The following COL21A1 variants were observed in gnomAD, a reference collection of about 807,000 sequenced individuals.
COL21A1 encodes the protein collagen alpha-1(XXI) chain.
COL21A1 carries 149 observed loss-of-function variants against 137.9 expected under a neutral mutation model. The observed-to-expected ratio is 1.08, with a 90% CI of 0.95 to 1.24. COL21A1 has a LOEUF of 1.24. Ranked by LOEUF, COL21A1 falls within the 50% of genes most tolerant of loss-of-function variation. The pLI, the probability that COL21A1 is intolerant of heterozygous loss-of-function variation, is 0.00. For synonymous variants in COL21A1, 456 were observed against 391.5 expected (o/e 1.16, Z -1.95); for missense variants, 1,167 against 1,158.4 (o/e 1.01, Z -0.11).
rs1031010511 is a variant in COL21A1, at chr6:56,322,374, A to C, written c.-39+71597T>G. Among the ~76,000 whole-genome samples the C allele has an allele frequency of 2.6e-5, 4 of 152,186 alleles. No homozygotes were observed. The South Asian group carries it at 6.2e-4, about 24-fold the overall frequency. ...TATTCACCTGACCTCTCATCAACCAACTACCACTTCTTCAAGCGTCTCAAC... is the reference window on the plus strand; with the variant it reads ...TATTCACCTGACCTCTCATCAACCACCTACCACTTCTTCAAGCGTCTCAAC... On this transcript the variant is annotated intron_variant, in intron 1 of 28. Transcript: ENST00000370819.
intron 16 of COL21A1, among the ~76,000 whole-genome samples, chr6:56,114,124 G>C (rs1771688407): frequency 6.6e-6 from 1 of 152,196 alleles, no homozygotes; most frequent in African/African-American, 2.4e-5. Context: ...ACCCATTTGG[G>C]GGTTGGTGGA....
intron 10 of COL21A1, among the ~76,000 whole-genome samples, chr6:56,143,199 C>CTTTTTT (rs1201380404): frequency 3.2e-5 from 4 of 124,530 alleles, no homozygotes; most frequent in Non-Finnish European, 3.4e-5. Context: ...TACAATTTTT[C>CTTTTTT]TTTTTTTTTT....
intron 1 of COL21A1, among the ~76,000 whole-genome samples, chr6:56,352,494 A>T (rs1765731599): frequency 6.6e-6 from 1 of 152,158 alleles, no homozygotes. Flanking sequence ...CACGCAGCAA[A>T]ACACCAGAGC....
At chr6:56,105,380 A>G (rs1770800587) in intron 16 of COL21A1, among the ~76,000 whole-genome samples, 2 of 152,220 alleles carry the variant, frequency 1.3e-5, no homozygotes, top group South Asian at 4.1e-4. Context: ...AGGTTTTAAC[A>G]ATCCTTTATT....
chr6:56,056,598 G>A lies in COL21A1; in HGVS notation c.*1059C>T, dbSNP rs1477597769. 6.6e-6 allele frequency: 1 copy of A among 152,150 alleles called. No individual in the cohort carries two copies. Among genetic ancestry groups the A allele is most frequent in the Non-Finnish European group, 1.5e-5 (1 of 68,016 alleles). 9.4% of individuals were successfully genotyped at this position (152,150 alleles called of 1,614,324 possible). A position where few individuals can be genotyped will look rare whatever the true frequency, so the allele number is the denominator to read the frequency against. On this transcript the variant is annotated 3_prime_UTR_variant, in exon 30 of 30. Transcript: ENST00000244728. ...AAAAAAAGACATTGTAATCAGGCCT[G>A]TACAAAACTTTATTATACTCTGAAT...
At chr6:56,289,720 A>G (rs1267143191) in intron 1 of COL21A1, among the ~76,000 whole-genome samples, 2 of 152,200 alleles carry the variant, frequency 1.3e-5, no homozygotes, top group Non-Finnish European at 2.9e-5. Flanking sequence ...ATTACCTGAT[A>G]GGAACATCTT....
chr6:56,139,500 TAC>T (rs35595286), intron 12 of COL21A1, among the ~76,000 whole-genome samples: 86,966 of 151,198 alleles, frequency 0.58, 25,364 homozygotes, highest in East Asian at 0.79. Context: ...CTTGTGCACA[TAC>T]ACACACACAC....
intron 1 of COL21A1, among the ~76,000 whole-genome samples, chr6:56,281,437 G>A (rs1343014903): frequency 6.6e-6 from 1 of 151,918 alleles, no homozygotes; most frequent in Non-Finnish European, 1.5e-5. Context: ...GGTAACAGTG[G>A]GCATCACCCC....
intron 1 of COL21A1, among the ~76,000 whole-genome samples, chr6:56,351,225 T>C (rs1194480552): frequency 6.6e-6 from 1 of 152,270 alleles, no homozygotes; most frequent in Non-Finnish European, 1.5e-5. Flanking sequence ...TTGGTTGTAT[T>C]CTTTGAAGGC....
intron 12 of COL21A1, among the ~76,000 whole-genome samples, chr6:56,137,183 T>C (rs1774066006): frequency 6.6e-6 from 1 of 152,154 alleles, no homozygotes; most frequent in Admixed American, 6.6e-5. Flanking sequence ...TACTTCACAA[T>C]TAATCTAAAA....
chr6:56,068,179 C>A (rs138963758), intron 22 of COL21A1, among the ~76,000 whole-genome samples: 3 of 151,428 alleles, frequency 2.0e-5, no homozygotes, highest in African/African-American at 7.3e-5. Context: ...TACTGATCAT[C>A]AGAACAAAAA....
chr6:56,232,611 C>T (rs1363582725), intron 1 of COL21A1, among the ~76,000 whole-genome samples: 1 of 151,946 alleles, frequency 6.6e-6, no homozygotes, highest in Admixed American at 6.6e-5. Context: ...AACAGCTGCA[C>T]TGGACTTCGT....
At chr6:56,232,372 G>C (rs1287458195) in intron 1 of COL21A1, among the ~76,000 whole-genome samples, 1 of 151,888 alleles carries the variant, frequency 6.6e-6, no homozygotes, top group Non-Finnish European at 1.5e-5. Context: ...GTGTGACAAA[G>C]TGAATTACAA....
chr6:56,068,917 C>A, intron 22 of COL21A1, 129 bp downstream of exon 22: 1 of 658,134 alleles, frequency 1.5e-6, no homozygotes. Flanking sequence ...ATACATACAT[C>A]GAATATATAG....
intron 1 of COL21A1, among the ~76,000 whole-genome samples, chr6:56,244,407 C>A (rs1411943862): frequency 6.6e-6 from 1 of 152,150 alleles, no homozygotes; most frequent in Non-Finnish European, 1.5e-5. Context: ...TCCTATATGT[C>A]TCCATTTTTC....
intron 1 of COL21A1, among the ~76,000 whole-genome samples, chr6:56,390,970 A>T (rs899707347): frequency 1.3e-5 from 2 of 152,168 alleles, no homozygotes; most frequent in Admixed American, 1.3e-4. Flanking sequence ...GACCAAATGG[A>T]TCTAATAGAC....
Position 56,077,525 on chromosome 6 carries a change from T to A in COL21A1, c.1857+4A>T. On this transcript the variant is annotated splice_donor_region_variant and intron_variant, in intron 18 of 29. Transcript: ENST00000244728. ...GCCCAAAGCTAACTCTCATGAATAC[T>A]TACCTTTTGGCCCATTAATCCTCGG... 6.4e-7 allele frequency: 1 copy of A among 1,572,682 alleles called. No individual in the cohort carries two copies. Among genetic ancestry groups the A allele is most frequent in the Non-Finnish European group, 8.6e-7 (1 of 1,156,406 alleles).
intron 1 of COL21A1, among the ~76,000 whole-genome samples, chr6:56,185,253 T>C (rs990782002): frequency 2.6e-5 from 4 of 151,768 alleles, no homozygotes; most frequent in African/African-American, 4.8e-5. Flanking sequence ...AAAAAATAAA[T>C]AATTAAAAAG....
Position 56,155,813 on chromosome 6 carries a change from G to GGCTGGTCTCAAACT in COL21A1, c.1434+1060_1434+1073dup, listed in dbSNP as rs1489136180. 3.3e-5 allele frequency among the ~76,000 whole-genome samples: 5 copies of GGCTGGTCTCAAACT among 152,172 alleles called. No individual in the cohort carries two copies. The East Asian group carries it at 9.7e-4, about 29-fold the overall frequency. On this transcript the variant is annotated intron_variant, in intron 10 of 29. Coordinates refer to ENST00000244728, the MANE Select transcript of COL21A1 (RefSeq NM_030820.4). ...AGATGGGGTTTCACCAAGTTGGCCA[G>GGCTGGTCTCAAACT]GCTGGTCTCAAACTGCTGGTCTCAA...
Sources: gnomAD v4.1 joint callset for allele counts (sites outside exome capture counted in the v4.1 genomes callset) on GRCh38, gnomAD v4.1.1 for gene constraint, MANE v1.5 for transcripts, NCBI Gene and HGNC (gene_info 2026-07-23, HGNC 2026-07-21) for gene names.